SEC22A: variants seen among roughly 807,000 people sequenced by gnomAD.
The protein encoded by SEC22A is SEC22 homolog A, vesicle trafficking protein, also known as vesicle-trafficking protein SEC22a.
SEC22A carries 22 observed loss-of-function variants against 35.3 expected under a neutral mutation model. That is an observed-to-expected ratio of 0.62 (90% CI 0.45 to 0.89). SEC22A has a LOEUF of 0.89. Among genes scored for constraint, SEC22A ranks in the 40% least tolerant of loss-of-function variants. The probability of loss-of-function intolerance (pLI) is 0.00; values close to 1 mark genes in which losing one functional copy is unlikely to be tolerated. For synonymous variants in SEC22A, 119 were observed against 129.5 expected (o/e 0.92, Z 0.55); for missense variants, 354 against 362.5 (o/e 0.98, Z 0.19).
intron 6 of SEC22A, among the ~76,000 whole-genome samples, chr3:123,268,527 G>A (rs1292185416): frequency 6.6e-6 from 1 of 152,146 alleles, no homozygotes; most frequent in East Asian, 1.9e-4. Flanking sequence ...GAGAAATAGG[G>A]AAAAGTGTGT....
intron 5 of SEC22A, among the ~76,000 whole-genome samples, chr3:123,254,518 G>T (rs879579230): frequency 1.8e-4 from 28 of 151,938 alleles, no homozygotes; most frequent in Non-Finnish European, 1.8e-4. Context: ...TTTTGTCCTT[G>T]TTCCTAACCT....
chr3:123,212,298 T>C (rs942721039), intron 2 of SEC22A, among the ~76,000 whole-genome samples: 22 of 152,266 alleles, frequency 1.4e-4, no homozygotes, highest in African/African-American at 5.3e-4. Context: ...TTAGAAAATA[T>C]TGTGATTATG....
chr3:123,266,471 GAT>G (rs1316382031), intron 6 of SEC22A, among the ~76,000 whole-genome samples: 3 of 152,026 alleles, frequency 2.0e-5, no homozygotes, highest in African/African-American at 7.2e-5. Context: ...CATAAATTTT[GAT>G]ATGTTTTATT....
chr3:123,213,378 A>C (rs186398937), intron 2 of SEC22A, among the ~76,000 whole-genome samples: 2 of 152,262 alleles, frequency 1.3e-5, no homozygotes, highest in African/African-American at 4.8e-5. Context: ...TGCTAGATAA[A>C]ACTCACAGGT....
At chr3:123,227,436 T>A (rs1478811463) in intron 4 of SEC22A, among the ~76,000 whole-genome samples, 1 of 150,276 alleles carries the variant, frequency 6.7e-6, no homozygotes, top group Admixed American at 6.7e-5. Context: ...GAGGGGAACA[T>A]CACACACGGG....
chr3:123,230,188 T>C (rs1474506948), intron 4 of SEC22A, among the ~76,000 whole-genome samples: 1 of 152,144 alleles, frequency 6.6e-6, no homozygotes, highest in Non-Finnish European at 1.5e-5. Flanking sequence ...CTTAACTGAT[T>C]TAAAAAGTGA....
chr3:123,209,192 GT>G lies in SEC22A; in HGVS notation c.-19-3del. ...TTATGTAACCCAAATTGTTCATTTT[GT>G]TTTAGGTCTTCTCTGTTGGTTGAAA... On this transcript the variant is annotated splice_region_variant and splice_polypyrimidine_tract_variant and intron_variant, in intron 1 of 6. Transcript: ENST00000492595. 6.2e-7 allele frequency: 1 copy of G among 1,611,470 alleles called. No homozygotes were observed. Among genetic ancestry groups the G allele is most frequent in the Non-Finnish European group, 8.5e-7 (1 of 1,178,076 alleles).
At chr3:123,248,919 C>T (rs554343936) in intron 5 of SEC22A, among the ~76,000 whole-genome samples, 2 of 152,152 alleles carry the variant, frequency 1.3e-5, no homozygotes, top group Admixed American at 6.5e-5. Context: ...TTAACACTAT[C>T]TGCCTGGAGT....
intron 2 of SEC22A, among the ~76,000 whole-genome samples, chr3:123,218,557 T>G (rs1937071261): frequency 6.6e-6 from 1 of 152,132 alleles, no homozygotes; most frequent in South Asian, 2.1e-4. Context: ...GTACTCACTG[T>G]GAAGGTGAGT....
intron 2 of SEC22A, among the ~76,000 whole-genome samples, chr3:123,221,325 G>A (rs1937118073): frequency 6.6e-6 from 1 of 151,768 alleles, no homozygotes; most frequent in Non-Finnish European, 1.5e-5. Context: ...ATAAAAATTA[G>A]CCAGGTGTGG....
chr3:123,262,843 T>G (rs1241545812), intron 6 of SEC22A, among the ~76,000 whole-genome samples: 1 of 152,222 alleles, frequency 6.6e-6, no homozygotes, highest in Non-Finnish European at 1.5e-5. Flanking sequence ...TGGGTAAAGT[T>G]TTTCTAATTA....
Position 123,256,278 on chromosome 3 carries a change from C to T in SEC22A, c.658-3246C>T, listed in dbSNP as rs148098573. 5.3e-3 allele frequency among the ~76,000 whole-genome samples: 807 copies of T among 152,282 alleles called. 10 individuals carry two copies. Among genetic ancestry groups the T allele is most frequent in the African/African-American group, 0.018 (768 of 41,538 alleles). Reference sequence around the variant, plus strand: ...CTCTGGATCAAACTCTTTCCTGAAGCAGACTGAAATATCTGCTAAGTATAA... The same window carrying T: ...CTCTGGATCAAACTCTTTCCTGAAGTAGACTGAAATATCTGCTAAGTATAA... On this transcript the variant is annotated intron_variant, in intron 5 of 6. Coordinates refer to ENST00000492595, the MANE Select transcript of SEC22A (RefSeq NM_012430.5).
At chr3:123,236,528 C>T (rs1937421729) in intron 4 of SEC22A, among the ~76,000 whole-genome samples, 1 of 152,126 alleles carries the variant, frequency 6.6e-6, no homozygotes, top group Non-Finnish European at 1.5e-5. Flanking sequence ...GAGAGCGTCT[C>T]TCCAGCTTTG....
chr3:123,235,119 G>T (rs577619984), intron 4 of SEC22A, among the ~76,000 whole-genome samples: 1 of 152,018 alleles, frequency 6.6e-6, no homozygotes, highest in East Asian at 1.9e-4. Context: ...TCTCGCACTC[G>T]TCGGCTCAAA....
intron 4 of SEC22A, among the ~76,000 whole-genome samples, chr3:123,242,321 T>A (rs1354733560): frequency 2.0e-5 from 3 of 152,306 alleles, no homozygotes; most frequent in Non-Finnish European, 4.4e-5. Flanking sequence ...CCCCATTTTT[T>A]ATCAAACTTA....
rs1379916187 is a variant in SEC22A at position 123,272,638 on chromosome 3, T to G, written c.*916T>G. 2 of 152,688 alleles carry G rather than the reference T, an allele frequency of 1.3e-5. No individual in the cohort carries two copies. The highest frequency in any genetic ancestry group is 2.9e-5 in the Non-Finnish European group (2 of 68,032). The allele number at this position is 152,688 out of a possible 1,614,324, so 9.5% of individuals were successfully genotyped here. On this transcript the variant is annotated 3_prime_UTR_variant, in exon 7 of 7. Transcript: ENST00000492595. Reference sequence around the variant, plus strand: ...GCTAGAAACTAATGCCTAGAAAGGCTCCGAATCTTAGGCTCTTTCTTTGTG... The same window carrying G: ...GCTAGAAACTAATGCCTAGAAAGGCGCCGAATCTTAGGCTCTTTCTTTGTG...
Position 123,209,411 on chromosome 3 carries a change from G to C in SEC22A, c.182+12G>C, listed in dbSNP as rs772773469. ...CATTATAACATTAAGTAAGACTTCA[G>C]TTTGCTTCATTTGACTCATTTGCCC... On this transcript the variant is annotated intron_variant, in intron 2 of 6. Transcript: ENST00000492595. 4.4e-6 allele frequency: 7 copies of C among 1,596,890 alleles called. No individual in the cohort carries two copies. Among genetic ancestry groups the C allele is most frequent in the Middle Eastern group, 1.7e-4 (1 of 5,796 alleles).
At chr3:123,258,707 A>T (rs2108096288) in intron 5 of SEC22A, among the ~76,000 whole-genome samples, 1 of 148,868 alleles carries the variant, frequency 6.7e-6, no homozygotes, top group Admixed American at 6.7e-5. Flanking sequence ...GGAAATTATC[A>T]TTGTATAAAG....
At chr3:123,236,666 C>G (rs1469166857) in intron 4 of SEC22A, among the ~76,000 whole-genome samples, 1 of 152,126 alleles carries the variant, frequency 6.6e-6, no homozygotes, top group Non-Finnish European at 1.5e-5. Flanking sequence ...TAGAAGCAAT[C>G]AAATATCTTT....
Sources: gnomAD v4.1 joint callset for allele counts (sites outside exome capture counted in the v4.1 genomes callset) on GRCh38, gnomAD v4.1.1 for gene constraint, MANE v1.5 for transcripts, NCBI Gene and HGNC (gene_info 2026-07-23, HGNC 2026-07-21) for gene names.